ARID1B: variants seen among roughly 807,000 people sequenced by gnomAD.
The protein encoded by ARID1B is AT-rich interaction domain 1B.
Under a neutral mutation model 212.3 loss-of-function variants are expected in ARID1B, and 30 were observed. The ratio of observed to expected loss-of-function variants is 0.14; its 90% CI spans 0.11 to 0.19. ARID1B has a LOEUF of 0.19. Ranked by LOEUF, ARID1B falls within the 10% of genes least tolerant of loss-of-function variation. The probability of loss-of-function intolerance (pLI) is 1.00; values close to 1 mark genes in which losing one functional copy is unlikely to be tolerated. For synonymous variants in ARID1B, 1,402 were observed against 1,301.7 expected (o/e 1.08, Z -1.66); for missense variants, 2,891 against 3,204.0 (o/e 0.90, Z 2.36).
At chr6:156,776,537 AC>A (rs1482253436), upstream of ARID1B, 3 of 152,242 alleles carry the variant, frequency 2.0e-5, no homozygotes, top group Non-Finnish European at 4.4e-5. Flanking sequence ...ATACGAGCTA[AC>A]CCATAGCTGT....
chr6:157,097,273 AC>A (rs1192024763), intron 5 of ARID1B, among the ~76,000 whole-genome samples: 2 of 152,204 alleles, frequency 1.3e-5, no homozygotes, highest in Non-Finnish European at 2.9e-5. Context: ...AAACCATGCC[AC>A]CTATAGTACC....
chr6:157,202,062 T>C (rs1794150223), intron 18 of ARID1B, among the ~76,000 whole-genome samples: 1 of 152,196 alleles, frequency 6.6e-6, no homozygotes, highest in Admixed American at 6.5e-5. Flanking sequence ...AAAGCTTGTA[T>C]GTAATATGTA....
intron 1 of ARID1B, among the ~76,000 whole-genome samples, chr6:156,806,050 G>T (rs1329324015): frequency 6.6e-6 from 1 of 152,062 alleles, no homozygotes; most frequent in African/African-American, 2.4e-5. Context: ...TCTAATTTCC[G>T]TATTGGCCAC....
Position 156,870,709 on chromosome 6 carries a change from A to G in ARID1B, c.1987-30667A>G, listed in dbSNP as rs904291185. The stretch of plus-strand genomic sequence containing the variant: ...TGAAAATAGAAGTACTTGAAAAGCA[A>G]TGCTTAAAATGGTAGTGTTAAAAAA... On this transcript the variant is annotated intron_variant, in intron 2 of 19. Coordinates refer to ENST00000636930, the MANE Select transcript of ARID1B (RefSeq NM_001374828.1). Among the ~76,000 whole-genome samples the G allele has an allele frequency of 8.6e-5, 13 of 151,232 alleles. No homozygotes were observed. In the South Asian group the frequency reaches 2.8e-3, roughly 32 times the overall value.
At chr6:157,174,771 G>A (rs1583452670) in intron 10 of ARID1B, 76 bp from the exon 11 acceptor site, 3 of 1,062,980 alleles carry the variant, frequency 2.8e-6, no homozygotes, top group Admixed American at 2.9e-5. Context: ...TTGTTAAAGT[G>A]GATGTACTTT....
At chr6:156,860,471 G>T (rs1240375874) in intron 2 of ARID1B, among the ~76,000 whole-genome samples, 1 of 152,044 alleles carries the variant, frequency 6.6e-6, no homozygotes, top group Non-Finnish European at 1.5e-5. Flanking sequence ...TCAGGAACAA[G>T]AAGACCATTA....
At chr6:156,951,453 T>G (rs1297907228) in intron 4 of ARID1B, among the ~76,000 whole-genome samples, 2 of 150,934 alleles carry the variant, frequency 1.3e-5, no homozygotes, top group Non-Finnish European at 3.0e-5. Context: ...TTCTTTTTCT[T>G]TTTTTTTTGA....
At position 156,808,534 on chromosome 6, in the gene ARID1B, C is replaced by T. The variant is rs147344705; in HGVS notation, c.1792-20693C>T. Among the ~76,000 whole-genome samples the T allele has an allele frequency of 2.2e-4, 34 of 152,326 alleles. No individual in the cohort carries two copies. In the East Asian group the frequency reaches 6.4e-3, roughly 28 times the overall value. On this transcript the variant is annotated intron_variant, in intron 1 of 19. Coordinates refer to ENST00000636930, the MANE Select transcript of ARID1B (RefSeq NM_001374828.1). ...AAAGTCAATGCTTGTAATTCTCTTA[C>T]AGTCCTCATACCACAGATTTCCTTG...
chr6:157,069,357 G>A (rs1783873171), intron 4 of ARID1B, among the ~76,000 whole-genome samples: 1 of 152,066 alleles, frequency 6.6e-6, no homozygotes, highest in East Asian at 1.9e-4. Flanking sequence ...ACTGTTTATG[G>A]CCTCTCATTG....
intron 4 of ARID1B, among the ~76,000 whole-genome samples, chr6:156,963,599 C>A (rs1794546634): frequency 6.6e-6 from 1 of 152,038 alleles, no homozygotes; most frequent in Admixed American, 6.5e-5. Context: ...TTATATTAAT[C>A]TTTAGTGTTC....
At chr6:157,068,263 G>T (rs568902793) in intron 4 of ARID1B, among the ~76,000 whole-genome samples, 1 of 152,296 alleles carries the variant, frequency 6.6e-6, no homozygotes, top group African/African-American at 2.4e-5. Context: ...ACTTAATTAT[G>T]AATTTTTGTG....
At chr6:157,150,922 C>A (rs757048375) in intron 8 of ARID1B, 8 of 173,268 alleles carry the variant, frequency 4.6e-5, no homozygotes, top group Middle Eastern at 2.3e-3. Context: ...AACGATCGTG[C>A]CGTCTGGCCG....
At chr6:156,792,746 G>A (rs1466524264) in intron 1 of ARID1B, among the ~76,000 whole-genome samples, 1 of 152,198 alleles carries the variant, frequency 6.6e-6, no homozygotes, top group Non-Finnish European at 1.5e-5. Context: ...CTTTTCCTGT[G>A]TACATTAGGG....
At chr6:156,781,423 G>A (rs1431224706) in intron 1 of ARID1B, among the ~76,000 whole-genome samples, 2 of 151,946 alleles carry the variant, frequency 1.3e-5, no homozygotes, top group African/African-American at 4.8e-5. Context: ...TCATGTTAAT[G>A]CTATGAAAGT....
At chr6:157,026,749 C>T (rs981511830) in intron 4 of ARID1B, among the ~76,000 whole-genome samples, 9 of 152,084 alleles carry the variant, frequency 5.9e-5, no homozygotes, top group East Asian at 5.8e-4. Flanking sequence ...ATCCTGAGCT[C>T]GAGCAATTGT....
At chr6:157,089,667 C>T (rs577596132) in intron 5 of ARID1B, among the ~76,000 whole-genome samples, 7 of 152,250 alleles carry the variant, frequency 4.6e-5, no homozygotes, top group Admixed American at 3.9e-4. Flanking sequence ...CCAGTGCCAT[C>T]ACAAATTTTC....
chr6:157,149,131 C>A, intron 8 of ARID1B, 180 bp downstream of exon 8: 1 of 646,208 alleles, frequency 1.5e-6, no homozygotes, highest in Non-Finnish European at 2.6e-6. Context: ...AACTAAGTGA[C>A]AAACCATGTT....
chr6:157,204,986 T>C (rs948450839), intron 19 of ARID1B: 2 of 152,242 alleles, frequency 1.3e-5, no homozygotes, highest in Non-Finnish European at 2.9e-5. Flanking sequence ...GTCATAAACA[T>C]TGTACGAGTT....
intron 9 of ARID1B, chr6:157,167,395 CTG>C: frequency 6.1e-6 from 3 of 494,232 alleles, no homozygotes; most frequent in South Asian, 4.3e-5. Flanking sequence ...TTTATTCAAT[CTG>C]TGTTTGTATA....
Sources: allele counts gnomAD v4.1 joint callset (sites outside exome capture counted in the v4.1 genomes callset), GRCh38; gene constraint gnomAD v4.1.1; transcripts MANE v1.5; gene names NCBI Gene and HGNC (gene_info 2026-07-23, HGNC 2026-07-21).